Variants in UMAD1 observed in about 807,000 individuals in gnomAD.
UMAD1 encodes the protein UBAP1-MVB12-associated (UMA) domain containing 1, also known as UBAP1-MVB12-associated (UMA)-domain containing protein 1.
In UMAD1, 8 loss-of-function variants were observed where a neutral mutation model predicts 6.1. The ratio of observed to expected loss-of-function variants is 1.30; its 90% CI spans 0.76 to 2.35. The LOEUF is 2.35. Ranked by LOEUF, UMAD1 falls within the 30% of genes most tolerant of loss-of-function variation. UMAD1 has a pLI of 0.00. For missense variants in UMAD1, 130 were observed against 78.4 expected, an observed-to-expected ratio of 1.66 and a Z score of -2.49; for synonymous variants, 56 against 31.4, an observed-to-expected ratio of 1.78 and a Z score of -2.61.
chr7:7,742,930 T>C (rs1229755299), intron 2 of UMAD1, among the ~76,000 whole-genome samples: 4 of 152,172 alleles, frequency 2.6e-5, no homozygotes, highest in Non-Finnish European at 5.9e-5. Context: ...TAATTTTCAG[T>C]GTATTAGAAA....
intron 1 of UMAD1, among the ~76,000 whole-genome samples, chr7:7,654,849 G>A (rs1225762385): frequency 1.3e-5 from 2 of 150,054 alleles, no homozygotes; most frequent in East Asian, 4.0e-4. Context: ...ATTGCAGTGA[G>A]CCAAGATTGT....
chr7:7,853,903 G>T (rs764227995), intron 3 of UMAD1, among the ~76,000 whole-genome samples: 4 of 152,126 alleles, frequency 2.6e-5, no homozygotes, highest in Admixed American at 6.5e-5. Context: ...TAGGGGAAAA[G>T]CATCTAGTCT....
chr7:7,679,731 T>TATATATATATATATATAC (rs1554313986), intron 2 of UMAD1, among the ~76,000 whole-genome samples: 2 of 135,908 alleles, frequency 1.5e-5, no homozygotes, highest in East Asian at 4.2e-4. Context: ...TATATATATA[T>TATATATATATATATATAC]ACACACACAC....
chr7:7,824,176 C>A (rs1783298654), intron 3 of UMAD1, among the ~76,000 whole-genome samples: 1 of 152,132 alleles, frequency 6.6e-6, no homozygotes, highest in Admixed American at 6.6e-5. Context: ...CCTTTGTCAT[C>A]TGGATTATTA....
intron 2 of UMAD1, chr7:7,692,368 G>T (rs756931663): frequency 4.6e-5 from 7 of 152,164 alleles, no homozygotes; most frequent in Non-Finnish European, 8.8e-5. Context: ...AGAAATAGGA[G>T]GAGAAAGACA....
intron 2 of UMAD1, among the ~76,000 whole-genome samples, chr7:7,786,690 C>A (rs950533819): frequency 3.3e-5 from 5 of 152,134 alleles, no homozygotes; most frequent in African/African-American, 1.2e-4. Context: ...AAGAGAAATA[C>A]TTTGCTCTTG....
intron 2 of UMAD1, among the ~76,000 whole-genome samples, chr7:7,715,605 G>T (rs1406933158): frequency 6.6e-6 from 1 of 152,134 alleles, no homozygotes; most frequent in Non-Finnish European, 1.5e-5. Context: ...TCATTCAAAT[G>T]AGGATAAAGT....
At chr7:7,750,942 A>T (rs1395732305) in intron 2 of UMAD1, among the ~76,000 whole-genome samples, 1 of 152,216 alleles carries the variant, frequency 6.6e-6, no homozygotes, top group Non-Finnish European at 1.5e-5. Flanking sequence ...AATAAGAAGT[A>T]ATGACCCCCA....
chr7:7,757,084 G>T (rs1214175290), intron 2 of UMAD1, among the ~76,000 whole-genome samples: 2 of 152,216 alleles, frequency 1.3e-5, no homozygotes, highest in Non-Finnish European at 2.9e-5. Flanking sequence ...TTTATTAACA[G>T]ATGAATGATG....
At chr7:7,791,427 A>G (rs780107985) in intron 2 of UMAD1, among the ~76,000 whole-genome samples, 9 of 152,228 alleles carry the variant, frequency 5.9e-5, no homozygotes, top group Non-Finnish European at 1.3e-4. Flanking sequence ...TGGGAAAGAT[A>G]TTAACAGCAG....
rs528202653 is a variant in UMAD1, at chr7:7,783,329, C to T, written c.83-18341C>T. ...TCAAAATCAAAGGAATTAATTATTTCTCATGACTGTAGAATTGGAATATGA... is the reference window on the plus strand; with the variant it reads ...TCAAAATCAAAGGAATTAATTATTTTTCATGACTGTAGAATTGGAATATGA... On this transcript the variant is annotated intron_variant, in intron 2 of 3. Coordinates refer to ENST00000682710, the MANE Select transcript of UMAD1 (RefSeq NM_001302348.2). 2.6e-5 allele frequency among the ~76,000 whole-genome samples: 4 copies of T among 151,908 alleles called. No homozygotes were observed. The South Asian group carries it at 8.3e-4, about 32-fold the overall frequency.
At chr7:7,737,226 T>G (rs1044845348) in intron 2 of UMAD1, among the ~76,000 whole-genome samples, 7 of 152,268 alleles carry the variant, frequency 4.6e-5, no homozygotes, top group African/African-American at 1.7e-4. Flanking sequence ...ACTTGCCAGC[T>G]GAAACTTTGG....
At chr7:7,642,190 A>G (rs1420076994) in intron 1 of UMAD1, among the ~76,000 whole-genome samples, 2 of 152,186 alleles carry the variant, frequency 1.3e-5, no homozygotes, top group Non-Finnish European at 2.9e-5. Context: ...ACTGGAGTGC[A>G]GTAGCATGCA....
intron 2 of UMAD1, among the ~76,000 whole-genome samples, chr7:7,763,328 A>G (rs1781926647): frequency 1.3e-5 from 2 of 152,142 alleles, no homozygotes; most frequent in Non-Finnish European, 2.9e-5. Flanking sequence ...GGACTATTGC[A>G]TAATGCTAAG....
intron 2 of UMAD1, among the ~76,000 whole-genome samples, chr7:7,714,138 C>T (rs917665651): frequency 3.3e-5 from 5 of 152,224 alleles, no homozygotes; most frequent in African/African-American, 1.2e-4. Context: ...GAGGGTGGTA[C>T]AAATGATAGA....
chr7:7,802,113 C>G (rs753571115), intron 3 of UMAD1, among the ~76,000 whole-genome samples: 2 of 152,278 alleles, frequency 1.3e-5, no homozygotes. Context: ...GGCACAGTGG[C>G]TCACGCCTGT....
At chr7:7,855,537 T>A (rs1295215680) in intron 3 of UMAD1, among the ~76,000 whole-genome samples, 2 of 152,144 alleles carry the variant, frequency 1.3e-5, no homozygotes, top group Non-Finnish European at 2.9e-5. Context: ...ATAGTCGGAG[T>A]GGCTAGGATA....
intron 2 of UMAD1, among the ~76,000 whole-genome samples, chr7:7,744,965 C>G (rs940960299): frequency 6.6e-6 from 1 of 152,146 alleles, no homozygotes; most frequent in Non-Finnish European, 1.5e-5. Context: ...TTTTGACTCC[C>G]CCAAAGCTTA....
intron 1 of UMAD1, among the ~76,000 whole-genome samples, chr7:7,663,014 CCT>C (rs1383277145): frequency 1.1e-4 from 2 of 17,894 alleles, no homozygotes; most frequent in African/African-American, 1.7e-4. Flanking sequence ...TTTGAAAAAG[CCT>C]TTTTTGCCTG....
Sources: allele counts gnomAD v4.1 joint callset (sites outside exome capture counted in the v4.1 genomes callset), GRCh38; gene constraint gnomAD v4.1.1; transcripts MANE v1.5; gene names NCBI Gene and HGNC (gene_info 2026-07-23, HGNC 2026-07-21).